Variants in ADARB1 observed in about 807,000 individuals in gnomAD.
The protein encoded by ADARB1 is adenosine deaminase RNA specific B1, also known as double-stranded RNA-specific editase 1.
In ADARB1, 10 loss-of-function variants were observed where a neutral mutation model predicts 52.4. That is an observed-to-expected ratio of 0.19 (90% confidence interval 0.12 to 0.32). ADARB1 has a LOEUF of 0.32. Ranked by LOEUF, ADARB1 falls within the 10% of genes least tolerant of loss-of-function variation. ADARB1 has a pLI of 1.00. For missense variants in ADARB1, 643 were observed against 922.3 expected, an observed-to-expected ratio of 0.70 and a Z score of 3.92; for synonymous variants, 349 against 371.1, an observed-to-expected ratio of 0.94 and a Z score of 0.68.
chr21:45,094,944 C>T (rs1471374566), intron 1 of ADARB1, among the ~76,000 whole-genome samples: 1 of 152,208 alleles, frequency 6.6e-6, no homozygotes, highest in Non-Finnish European at 1.5e-5. Context: ...CTGGCAGCCT[C>T]ATTCTGCTGC....
At chr21:45,122,629 C>A (rs731248) in intron 1 of ADARB1, among the ~76,000 whole-genome samples, 10,178 of 152,156 alleles carry the variant, frequency 0.067, 401 homozygotes, top group East Asian at 0.15. Flanking sequence ...TGTCAGTGGG[C>A]GGAGGTGGGA....
chr21:45,204,743 A>G lies in ADARB1; in HGVS notation c.1747+7A>G, dbSNP rs370330417. The G allele has an allele frequency of 2.3e-5, 37 of 1,612,036 alleles. No homozygotes were observed. Among genetic ancestry groups the G allele is most frequent in the Non-Finnish European group, 2.8e-5 (33 of 1,178,860 alleles). Reference sequence around the variant, plus strand: ...AACAAGCCTTTGCTCAGTGGCAAGTATCTCTAGAGTGTGCTGATTTAATCT... The same window carrying G: ...AACAAGCCTTTGCTCAGTGGCAAGTGTCTCTAGAGTGTGCTGATTTAATCT... On this transcript the variant is annotated splice_region_variant and intron_variant, in intron 9 of 10. Transcript: ENST00000348831. The surrounding 1 kb of genome is among the most constrained non-coding windows in gnomAD (Gnocchi z 4.4).
At chr21:45,158,963 G>A (rs958330426) in intron 2 of ADARB1, among the ~76,000 whole-genome samples, 1 of 152,096 alleles carries the variant, frequency 6.6e-6, no homozygotes, top group Non-Finnish European at 1.5e-5. Context: ...AGGCATATTC[G>A]TGTATGTGGG....
At chr21:45,155,803 A>C (rs1311442382) in intron 2 of ADARB1, among the ~76,000 whole-genome samples, 24 of 68,000 alleles carry the variant, frequency 3.5e-4, no homozygotes, top group East Asian at 1.1e-3. Flanking sequence ...ACCCATCATC[A>C]CCCATTACCC....
intron 1 of ADARB1, among the ~76,000 whole-genome samples, chr21:45,101,725 A>G (rs1218336429): frequency 6.6e-6 from 1 of 152,216 alleles, no homozygotes; most frequent in Admixed American, 6.5e-5. Context: ...TATACTTAAT[A>G]CACAAGCTTT....
intron 1 of ADARB1, among the ~76,000 whole-genome samples, chr21:45,102,710 C>T (rs1342149795): frequency 2.0e-5 from 3 of 152,180 alleles, no homozygotes; most frequent in Admixed American, 6.5e-5. Context: ...AAATAAATAT[C>T]CATGAGTCCA....
intron 1 of ADARB1, among the ~76,000 whole-genome samples, chr21:45,111,709 T>A (rs1294107489): frequency 1.3e-5 from 2 of 152,240 alleles, no homozygotes; most frequent in African/African-American, 4.8e-5. Flanking sequence ...TTGTTGCCTG[T>A]TCGTTTTTAC....
chr21:45,165,340 A>G (rs190288244), intron 2 of ADARB1, among the ~76,000 whole-genome samples: 1 of 152,288 alleles, frequency 6.6e-6, no homozygotes, highest in Non-Finnish European at 1.5e-5. Context: ...ATTCTCATCA[A>G]TATTTCCCAC....
intron 2 of ADARB1, chr21:45,144,763 C>G: frequency 2.6e-6 from 1 of 379,942 alleles, no homozygotes; most frequent in Middle Eastern, 3.5e-4. Flanking sequence ...CAGTGCCCCA[C>G]CAGGGCACCT....
In ADARB1 at chr21:45,074,659, C is replaced by T. The variant is rs1320107587; in HGVS notation, c.-354C>T. 1 of 139,728 alleles carries T rather than the reference C, an allele frequency of 7.2e-6. No homozygotes were observed. The highest frequency in any genetic ancestry group is 2.1e-4 in the East Asian group (1 of 4,706). The allele number at this position is 139,728 out of a possible 1,614,324, so 8.7% of individuals were successfully genotyped here. The stretch of plus-strand genomic sequence containing the variant: ...AGCGGCCAGGTTGGCGGCCGGGGCT[C>T]CGGGCCGCGCGAGGCCACGGCCACG... On this transcript the variant is annotated 5_prime_UTR_variant, in exon 1 of 11. Transcript: ENST00000348831.
Position 45,204,821 on chromosome 21 carries a change from G to A in ADARB1, c.1747+85G>A. 7.2e-7 allele frequency: 1 copy of A among 1,392,844 alleles called. No individual in the cohort carries two copies. The highest frequency in any genetic ancestry group is 1.3e-5 in the South Asian group (1 of 74,414). 86.3% of individuals were successfully genotyped at this position (1,392,844 alleles called of 1,614,324 possible). A position where few individuals can be genotyped will look rare whatever the true frequency, so the allele number is the denominator to read the frequency against. On this transcript the variant is annotated intron_variant, in intron 9 of 10. Coordinates refer to ENST00000348831, the MANE Select transcript of ADARB1 (RefSeq NM_001112.4). The surrounding 1 kb of genome is among the most constrained non-coding windows in gnomAD (Gnocchi z 4.4). ...CTCATGAATGAAAAAAACACCACCT[G>A]AGCTGCTCTGTGGCTATCAAAAGAA...
At chr21:45,169,006 T>A (rs2091371076) in intron 2 of ADARB1, among the ~76,000 whole-genome samples, 1 of 152,210 alleles carries the variant, frequency 6.6e-6, no homozygotes, top group Non-Finnish European at 1.5e-5. Flanking sequence ...TACTGCTGGA[T>A]GGGGGATAAG....
At chr21:45,075,021 G>C (rs1166150498) in intron 1 of ADARB1, among the ~76,000 whole-genome samples, 1 of 151,344 alleles carries the variant, frequency 6.6e-6, no homozygotes, top group Non-Finnish European at 1.5e-5. Context: ...AGGAAGCTGC[G>C]CCCGGGCGGC....
At chr21:45,132,747 C>T (rs2089032684) in intron 2 of ADARB1, among the ~76,000 whole-genome samples, 1 of 152,162 alleles carries the variant, frequency 6.6e-6, no homozygotes, top group Non-Finnish European at 1.5e-5. Context: ...CAGTAAACTC[C>T]ATTGTCAGGA....
At chr21:45,215,417 C>T (rs953167768) in intron 9 of ADARB1, among the ~76,000 whole-genome samples, 1 of 151,794 alleles carries the variant, frequency 6.6e-6, no homozygotes, top group Non-Finnish European at 1.5e-5. Context: ...GCTTACTCAG[C>T]GTTTTTAATC....
At chr21:45,116,120 G>A (rs1369523840) in intron 1 of ADARB1, among the ~76,000 whole-genome samples, 1 of 152,228 alleles carries the variant, frequency 6.6e-6, no homozygotes, top group Non-Finnish European at 1.5e-5. Flanking sequence ...GGTGGTATCT[G>A]CTGTGCCTCT....
chr21:45,123,777 T>A (rs1025534769), intron 1 of ADARB1, among the ~76,000 whole-genome samples: 5 of 152,094 alleles, frequency 3.3e-5, no homozygotes, highest in African/African-American at 1.2e-4. Flanking sequence ...AGTTTTTAAT[T>A]TTTTGTAGAG....
At chr21:45,201,154 C>T (rs1160865366) in intron 8 of ADARB1, among the ~76,000 whole-genome samples, 1 of 152,200 alleles carries the variant, frequency 6.6e-6, no homozygotes, top group Non-Finnish European at 1.5e-5. Context: ...AGGAGACGTC[C>T]TGCCTGCAGT....
rs1281440291 is a variant in ADARB1, at chr21:45,142,074, G to T, written c.-48+13501G>T. Among the ~76,000 whole-genome samples the T allele has an allele frequency of 6.6e-6, 1 of 152,146 alleles. No individual in the cohort carries two copies. The highest frequency in any genetic ancestry group is 1.5e-5 in the Non-Finnish European group (1 of 68,018). On this transcript the variant is annotated intron_variant, in intron 2 of 10. Transcript: ENST00000348831. The surrounding 1 kb of genome is among the most constrained non-coding windows in gnomAD (Gnocchi z 4.0). ...TCTGGGTGTCCTTAGCCACCCCCGGGCCACCTTGGCCACTCTGGGTCACCT... is the reference window on the plus strand; with the variant it reads ...TCTGGGTGTCCTTAGCCACCCCCGGTCCACCTTGGCCACTCTGGGTCACCT...
Sources: gnomAD v4.1 joint callset for allele counts (sites outside exome capture counted in the v4.1 genomes callset) on GRCh38, gnomAD v4.1.1 for gene constraint, Gnocchi (gnomAD v3.1) non-coding constraint, MANE v1.5 for transcripts, NCBI Gene and HGNC (gene_info 2026-07-23, HGNC 2026-07-21) for gene names.